Variants in SCAPER observed in about 807,000 individuals in gnomAD.
SCAPER encodes the protein S-phase cyclin A associated protein in the ER, also known as S phase cyclin A-associated protein in the endoplasmic reticulum.
Under a neutral mutation model 182.2 loss-of-function variants are expected in SCAPER, and 98 were observed. That is an observed-to-expected ratio of 0.54 (90% CI 0.46 to 0.64). SCAPER has a LOEUF of 0.64. Among genes scored for constraint, SCAPER ranks in the 30% least tolerant of loss-of-function variants. SCAPER has a pLI of 0.00. For synonymous variants in SCAPER, 605 were observed against 564.6 expected (o/e 1.07, Z -1.01); for missense variants, 1,432 against 1,690.0 (o/e 0.85, Z 2.68).
chr15:76,360,152 C>G (rs1027502458), intron 29 of SCAPER, among the ~76,000 whole-genome samples: 1 of 152,200 alleles, frequency 6.6e-6, no homozygotes, highest in Non-Finnish European at 1.5e-5. Flanking sequence ...AAGCCTCCTC[C>G]TTTTGCAGGT....
chr15:76,497,424 G>A (rs568129528), intron 24 of SCAPER, among the ~76,000 whole-genome samples: 4 of 152,140 alleles, frequency 2.6e-5, no homozygotes, highest in African/African-American at 9.6e-5. Flanking sequence ...AGCACCACAT[G>A]GATGGCATAA....
rs531990322 is a variant in SCAPER, at chr15:76,816,683, C to T, written c.394-12050G>A. ...TTTTTTTTTTTTTGAGATGGAGTCT[C>T]GCTCTGTTGCCCAGGCTGGAGTGCA... On this transcript the variant is annotated intron_variant, in intron 5 of 31. Coordinates refer to ENST00000563290, the MANE Select transcript of SCAPER (RefSeq NM_020843.4). Among the ~76,000 whole-genome samples, 9 of 148,118 alleles carry T rather than the reference C, an allele frequency of 6.1e-5. 1 individual carries two copies. Among genetic ancestry groups the T allele is most frequent in the South Asian group, 2.1e-4 (1 of 4,676 alleles).
chr15:76,889,189 G>A (rs1396741526), intron 1 of SCAPER, among the ~76,000 whole-genome samples: 1 of 152,158 alleles, frequency 6.6e-6, no homozygotes, highest in Non-Finnish European at 1.5e-5. Context: ...ACTAAACATG[G>A]AAAAGAACAA....
At position 76,354,050 on chromosome 15, in the gene SCAPER, C is replaced by T. The variant is rs746286985; in HGVS notation, c.3946G>A (p.Val1316Ile). ...GCAGCGATAAGTGAAGGGAACAGTA[C>T]TTTGATCAGCCGTGGGTCACTGAAA... ...QYFSDPRLIK[V>I]LFPSLIAACY... is the part of the protein sequence containing the mutation. The change falls in exon 30 of 32, where the codon GTA (valine) becomes ATA (isoleucine). Residue 1316 changes from valine (V) to isoleucine (I), a missense_variant. Transcript: ENST00000563290. This position sits in a 1 kb window ranked among gnomAD's most constrained non-coding sequence, Gnocchi z 4.4. 1.9e-6 allele frequency: 3 copies of T among 1,610,094 alleles called. No homozygotes were observed. Among genetic ancestry groups the T allele is most frequent in the African/African-American group, 1.3e-5 (1 of 74,628 alleles).
At chr15:76,747,215 G>A (rs1023729331) in intron 15 of SCAPER, among the ~76,000 whole-genome samples, 1 of 152,152 alleles carries the variant, frequency 6.6e-6, no homozygotes, top group Admixed American at 6.5e-5. Context: ...ATGTTGAAAT[G>A]TGATCTGGCC....
At chr15:76,565,583 C>T (rs910438637) in intron 23 of SCAPER, among the ~76,000 whole-genome samples, 15 of 151,866 alleles carry the variant, frequency 9.9e-5, no homozygotes, top group African/African-American at 1.9e-4. Context: ...AGTTTGATGA[C>T]GTCTGACTAC....
intron 8 of SCAPER, among the ~76,000 whole-genome samples, chr15:76,791,352 C>T (rs1172478556): frequency 2.0e-5 from 3 of 152,048 alleles, no homozygotes; most frequent in Non-Finnish European, 4.4e-5. Flanking sequence ...GAAAAGCAGC[C>T]GATGTGGCAA....
chr15:76,391,131 C>CT (rs1302955993), intron 27 of SCAPER, among the ~76,000 whole-genome samples: 1 of 152,140 alleles, frequency 6.6e-6, no homozygotes, highest in Non-Finnish European at 1.5e-5. Context: ...CAATATATCA[C>CT]TTTCTCTGTT....
At chr15:76,787,414 T>C (rs565911156) in intron 8 of SCAPER, among the ~76,000 whole-genome samples, 1 of 152,292 alleles carries the variant, frequency 6.6e-6, no homozygotes, top group East Asian at 1.9e-4. Flanking sequence ...AGACAAGGTC[T>C]CACTCTCTCC....
chr15:76,866,562 G>T (rs1414188979), intron 2 of SCAPER, among the ~76,000 whole-genome samples: 1 of 152,082 alleles, frequency 6.6e-6, no homozygotes. Context: ...TACTTGATAA[G>T]CAAAAACATT....
chr15:76,534,101 C>A (rs1036916393), intron 23 of SCAPER, among the ~76,000 whole-genome samples: 1 of 152,186 alleles, frequency 6.6e-6, no homozygotes, highest in African/African-American at 2.4e-5. Flanking sequence ...GCAGGCCTGA[C>A]AGTTTGCAGA....
intron 1 of SCAPER, among the ~76,000 whole-genome samples, chr15:76,903,709 C>T (rs1212229398): frequency 6.6e-6 from 1 of 152,118 alleles, no homozygotes; most frequent in African/African-American, 2.4e-5. Context: ...GGACCAAAGA[C>T]ACATAGAGTA....
chr15:76,751,141 C>T (rs1397566843), intron 15 of SCAPER, among the ~76,000 whole-genome samples: 1 of 151,394 alleles, frequency 6.6e-6, no homozygotes, highest in Admixed American at 6.6e-5. Flanking sequence ...AACAATAGCA[C>T]CAAAAATAAT....
intron 8 of SCAPER, among the ~76,000 whole-genome samples, chr15:76,783,197 G>A (rs2064294966): frequency 6.6e-6 from 1 of 151,750 alleles, no homozygotes; most frequent in South Asian, 2.1e-4. Context: ...ATGATAAAGG[G>A]GATATCACCA....
At chr15:76,548,487 T>G (rs1283595639) in intron 23 of SCAPER, among the ~76,000 whole-genome samples, 1 of 152,160 alleles carries the variant, frequency 6.6e-6, no homozygotes, top group East Asian at 1.9e-4. Flanking sequence ...CCCAAGTTGA[T>G]ATAGTAGAGC....
At chr15:76,360,132 A>C (rs2041295794) in intron 29 of SCAPER, among the ~76,000 whole-genome samples, 1 of 152,206 alleles carries the variant, frequency 6.6e-6, no homozygotes, top group African/African-American at 2.4e-5. Context: ...TGGTTATAAG[A>C]GTTCTGGAAA....
At chr15:76,527,575 T>C (rs2043302229) in intron 23 of SCAPER, among the ~76,000 whole-genome samples, 1 of 152,216 alleles carries the variant, frequency 6.6e-6, no homozygotes, top group Non-Finnish European at 1.5e-5. Flanking sequence ...GTAGCAATTT[T>C]TATTCCACCT....
chr15:76,804,469 C>T (rs943364195), intron 6 of SCAPER, 64 bp downstream of exon 6: 30 of 1,057,560 alleles, frequency 2.8e-5, no homozygotes, highest in African/African-American at 6.4e-5. Flanking sequence ...GTTTATTGTC[C>T]GTTTCAGTGA....
chr15:76,455,630 A>G (rs1387418438), intron 25 of SCAPER, among the ~76,000 whole-genome samples: 1 of 152,052 alleles, frequency 6.6e-6, no homozygotes, highest in Non-Finnish European at 1.5e-5. Context: ...GTACACCACC[A>G]CACCTAGTAT....
Sources: allele counts gnomAD v4.1 joint callset (sites outside exome capture counted in the v4.1 genomes callset), GRCh38; gene constraint gnomAD v4.1.1; non-coding constraint Gnocchi (gnomAD v3.1); transcripts MANE v1.5; gene names NCBI Gene and HGNC (gene_info 2026-07-23, HGNC 2026-07-21).